AEBP2: variants seen among roughly 807,000 people sequenced by gnomAD.
The protein encoded by AEBP2 is zinc finger protein AEBP2.
In AEBP2, 10 loss-of-function variants were observed where a neutral mutation model predicts 50.8. That is an observed-to-expected ratio of 0.20 (90% CI 0.12 to 0.33). The LOEUF is 0.33. Ranked by LOEUF, AEBP2 falls within the 10% of genes least tolerant of loss-of-function variation. AEBP2 has a pLI of 1.00. For missense variants in AEBP2, 570 were observed against 688.0 expected (o/e 0.83, Z 1.92); for synonymous variants, 296 against 261.3 (o/e 1.13, Z -1.28).
chr12:19,455,695 C>G (rs190535872), intron 1 of AEBP2, among the ~76,000 whole-genome samples: 2 of 152,124 alleles, frequency 1.3e-5, no homozygotes, highest in African/African-American at 4.8e-5. Flanking sequence ...TACAGTTGAT[C>G]GCTCTAGCTG....
intron 1 of AEBP2, among the ~76,000 whole-genome samples, chr12:19,421,227 C>A (rs1230888271): frequency 6.6e-6 from 1 of 151,276 alleles, no homozygotes; most frequent in Non-Finnish European, 1.5e-5. Context: ...ACCTGTAATC[C>A]CTGCTACTCA....
chr12:19,439,619 T>TGGGAGGGGG lies in AEBP2; in HGVS notation c.-79_-71dup, dbSNP rs1292851099. 7.5e-6 allele frequency: 11 copies of TGGGAGGGGG among 1,464,270 alleles called. No homozygotes were observed. In the East Asian group the frequency reaches 3.0e-4, roughly 40 times the overall value. The allele number at this position is 1,464,270 out of a possible 1,614,324, so 90.7% of individuals were successfully genotyped here. ...CGGCGTCGGCGGAGTTTTGGGCGTT[T>TGGGAGGGGG]GGGAGGGGGGCGAGGGAGAGAGAGT... On this transcript the variant is annotated 5_prime_UTR_variant, in exon 1 of 8. Coordinates refer to ENST00000266508, the MANE Select transcript of AEBP2 (RefSeq NM_153207.5).
chr12:19,444,637 G>C (rs938383019), intron 1 of AEBP2, among the ~76,000 whole-genome samples: 5 of 152,158 alleles, frequency 3.3e-5, no homozygotes, highest in African/African-American at 1.2e-4. Context: ...CTACAAAACA[G>C]GTATTACTCT....
In AEBP2 at chr12:19,521,728, T is replaced by G. The variant is rs1160084124; in HGVS notation, c.*3611T>G. ...CCCCTTTTACACATTAATAAAATGT[T>G]TTAAATATGGTAATACTCTTAAAAC... On this transcript the variant is annotated 3_prime_UTR_variant, in exon 8 of 8. Transcript: ENST00000266508. 2.0e-5 allele frequency: 3 copies of G among 152,114 alleles called. No individual in the cohort carries two copies. Among genetic ancestry groups the G allele is most frequent in the Non-Finnish European group, 4.4e-5 (3 of 67,988 alleles). The allele number at this position is 152,114 out of a possible 1,614,324, so 9.4% of individuals were successfully genotyped here. A position where few individuals can be genotyped will look rare whatever the true frequency, so the allele number is the denominator to read the frequency against.
At chr12:19,445,313 C>T (rs528152682) in intron 1 of AEBP2, among the ~76,000 whole-genome samples, 61 of 152,204 alleles carry the variant, frequency 4.0e-4, no homozygotes, top group Non-Finnish European at 6.5e-4. Context: ...ATTCTCCTGC[C>T]TCAGCCTCCT....
At chr12:19,506,774 G>A (rs551888824) in intron 5 of AEBP2, among the ~76,000 whole-genome samples, 3 of 152,272 alleles carry the variant, frequency 2.0e-5, no homozygotes, top group East Asian at 1.9e-4. Flanking sequence ...GCTTAGACTG[G>A]AATGTTTGCA....
At chr12:19,439,031 G>C (rs1947892067), upstream of AEBP2, among the ~76,000 whole-genome samples, 1 of 152,166 alleles carries the variant, frequency 6.6e-6, no homozygotes, top group Non-Finnish European at 1.5e-5. Flanking sequence ...TTTGCTCTGG[G>C]TTCAGGATGT....
chr12:19,521,318 G>T lies in AEBP2; in HGVS notation c.*3201G>T, dbSNP rs1949394995. On this transcript the variant is annotated 3_prime_UTR_variant, in exon 8 of 8. Transcript: ENST00000266508. ...TTTACAGTAAATACTGCCATATTAG[G>T]TACCTACAACAAATGGTGGTTTTTG... 6.6e-6 allele frequency: 1 copy of T among 152,010 alleles called. No individual in the cohort carries two copies. The highest frequency in any genetic ancestry group is 1.5e-5 in the Non-Finnish European group (1 of 67,994). The allele number at this position is 152,010 out of a possible 1,614,324, so 9.4% of individuals were successfully genotyped here.
chr12:19,495,199 G>A (rs918957457), intron 4 of AEBP2, among the ~76,000 whole-genome samples: 3 of 152,156 alleles, frequency 2.0e-5, no homozygotes, highest in Admixed American at 1.3e-4. Context: ...CACTGTGCTC[G>A]AGCAGCTGGT....
At chr12:19,456,741 G>C in intron 1 of AEBP2, 2 of 1,589,330 alleles carry the variant, frequency 1.3e-6, no homozygotes, top group Non-Finnish European at 1.7e-6. Flanking sequence ...TTCACTCAAA[G>C]CTTCATGGTG....
chr12:19,470,610 A>T (rs1470239146), intron 2 of AEBP2, among the ~76,000 whole-genome samples: 2 of 152,296 alleles, frequency 1.3e-5, no homozygotes, highest in Non-Finnish European at 2.9e-5. Flanking sequence ...GTGTTACTAG[A>T]CATTATTCCA....
intron 3 of AEBP2, among the ~76,000 whole-genome samples, chr12:19,477,596 G>A (rs1457287553): frequency 2.0e-5 from 3 of 152,134 alleles, no homozygotes; most frequent in African/African-American, 7.2e-5. Context: ...TTACTGACTT[G>A]TGTATGTTAA....
At chr12:19,486,829 T>C (rs1257289412) in intron 3 of AEBP2, among the ~76,000 whole-genome samples, 1 of 151,950 alleles carries the variant, frequency 6.6e-6, no homozygotes, top group Non-Finnish European at 1.5e-5. Context: ...GAGATAAAGT[T>C]TCTGTAACCC....
chr12:19,500,273 A>G, intron 5 of AEBP2, 52 bp downstream of exon 5: 1 of 1,347,020 alleles, frequency 7.4e-7, no homozygotes, highest in Non-Finnish European at 9.8e-7. Flanking sequence ...GCAAAAAAAT[A>G]TTTCCACAAT....
chr12:19,487,953 CAG>C (rs1443512253), intron 3 of AEBP2, among the ~76,000 whole-genome samples: 1 of 151,938 alleles, frequency 6.6e-6, no homozygotes, highest in Non-Finnish European at 1.5e-5. Flanking sequence ...AAGTAAGGGT[CAG>C]AAAGAATTAT....
chr12:19,514,646 T>A, intron 6 of AEBP2, 25 bp from the exon 7 acceptor site: 1 of 1,515,962 alleles, frequency 6.6e-7, no homozygotes, highest in South Asian at 1.2e-5. Flanking sequence ...GTTACTTTAT[T>A]ATTGACTTGT....
intron 7 of AEBP2, among the ~76,000 whole-genome samples, chr12:19,516,935 G>A (rs1199516210): frequency 2.6e-5 from 4 of 152,116 alleles, no homozygotes; most frequent in Admixed American, 2.0e-4. Flanking sequence ...GCTGAGGCAC[G>A]AGAATCACTT....
At chr12:19,405,236 G>C (rs778992005) in intron 1 of AEBP2, among the ~76,000 whole-genome samples, 1 of 151,214 alleles carries the variant, frequency 6.6e-6, no homozygotes, top group Non-Finnish European at 1.5e-5. Context: ...GTTGGCTATC[G>C]TTTTAGGCTA....
intron 6 of AEBP2, among the ~76,000 whole-genome samples, chr12:19,514,111 T>A (rs528192591): frequency 9.9e-5 from 15 of 152,014 alleles, no homozygotes; most frequent in Non-Finnish European, 2.1e-4. Context: ...GCGATTCTTG[T>A]GCCTCGTTCT....
Sources: gnomAD v4.1 joint callset for allele counts (sites outside exome capture counted in the v4.1 genomes callset) on GRCh38, gnomAD v4.1.1 for gene constraint, MANE v1.5 for transcripts, NCBI Gene and HGNC (gene_info 2026-07-23, HGNC 2026-07-21) for gene names.